NCOR2: variants seen among roughly 807,000 people sequenced by gnomAD.
The protein encoded by NCOR2 is CTG repeat protein 26.
NCOR2 carries 81 observed loss-of-function variants against 262.9 expected under a neutral mutation model. The observed-to-expected ratio is 0.31, with a 90% CI of 0.26 to 0.37. The LOEUF (loss-of-function observed/expected upper bound fraction) is 0.37, where lower values mean the gene tolerates loss of function less well. Ranked by LOEUF, NCOR2 falls within the 10% of genes least tolerant of loss-of-function variation. The pLI is 1.00. For synonymous variants in NCOR2, 1,659 were observed against 1,559.3 expected, an observed-to-expected ratio of 1.06 and a Z score of -1.51; for missense variants, 3,385 against 3,621.4, an observed-to-expected ratio of 0.93 and a Z score of 1.68.
chr12:124,492,886 G>A (rs2048169064), intron 1 of NCOR2, among the ~76,000 whole-genome samples: 1 of 152,188 alleles, frequency 6.6e-6, no homozygotes, highest in African/African-American at 2.4e-5. Context: ...CAAGAGACAA[G>A]CAGGATTCTC....
intron 20 of NCOR2, among the ~76,000 whole-genome samples, chr12:124,367,333 A>G (rs577007361): frequency 6.6e-6 from 1 of 152,306 alleles, no homozygotes; most frequent in African/African-American, 2.4e-5. Context: ...GACTGTGGTC[A>G]TGGAGGTACC....
intron 10 of NCOR2, among the ~76,000 whole-genome samples, chr12:124,427,344 G>A (rs2043610542): frequency 6.6e-6 from 1 of 152,142 alleles, no homozygotes; most frequent in African/African-American, 2.4e-5. Context: ...CCTGGGATCT[G>A]GCCTGCCCAG....
chr12:124,340,939 G>C (rs2036405382), intron 34 of NCOR2, among the ~76,000 whole-genome samples, 188 bp from the exon 37 acceptor site: 1 of 152,150 alleles, frequency 6.6e-6, no homozygotes, highest in African/African-American at 2.4e-5. Flanking sequence ...GGTTCTCTCG[G>C]TACCACCTCC....
intron 1 of NCOR2, among the ~76,000 whole-genome samples, chr12:124,519,759 T>A (rs545382994): frequency 6.6e-6 from 1 of 152,290 alleles, no homozygotes; most frequent in South Asian, 2.1e-4. Flanking sequence ...TCGGACTGTG[T>A]GCCCAGCACT....
At chr12:124,559,064 C>A (rs1354189362) in intron 1 of NCOR2, among the ~76,000 whole-genome samples, 1 of 152,204 alleles carries the variant, frequency 6.6e-6, no homozygotes, top group African/African-American at 2.4e-5. Flanking sequence ...AGGAGCCACC[C>A]GGCCTGCAGG....
intron 40 of NCOR2, 153 bp from the exon 43 acceptor site, chr12:124,334,770 C>T (rs1180875239): frequency 3.5e-6 from 2 of 576,192 alleles, no homozygotes; most frequent in Non-Finnish European, 6.0e-6. Flanking sequence ...TCTGGGCCTC[C>T]GTGTCCCAGT....
intron 34 of NCOR2, 76 bp downstream of exon 36, chr12:124,341,747 C>A: frequency 1.3e-6 from 2 of 1,533,994 alleles, no homozygotes; most frequent in South Asian, 1.2e-5. Context: ...GCTGCCTCCG[C>A]GAGGCCACAG....
intron 15 of NCOR2, 64 bp downstream of exon 17, chr12:124,400,437 A>G (rs2041933210): frequency 3.2e-6 from 5 of 1,572,024 alleles, no homozygotes; most frequent in Non-Finnish European, 4.3e-6. Context: ...CGAAACTTTC[A>G]TATGAGCGCA....
rs1173652106 is a variant in NCOR2 at position 124,483,637 on chromosome 12, G to A, written c.370C>T (p.Leu124=). Residue 124 remains leucine, a synonymous_variant, in exon 3 of 47, where the codon CTG becomes TTG. Coordinates refer to ENST00000405201, the Ensembl canonical transcript of NCOR2. The surrounding 1 kb of genome is among the most constrained non-coding windows in gnomAD (Gnocchi z 6.3). Reference sequence around the variant, plus strand: ...GATCCCGCAGGCTGGCCCGTGGCCAGCAGGGGTGACGGTCGCAGCAGGGGG... The same window carrying A: ...GATCCCGCAGGCTGGCCCGTGGCCAACAGGGGTGACGGTCGCAGCAGGGGG... 3 of 1,610,508 alleles carry A rather than the reference G, an allele frequency of 1.9e-6. No homozygotes were observed. The highest frequency in any genetic ancestry group is 2.5e-6 in the Non-Finnish European group (3 of 1,178,652).
exon 42 of NCOR2, chr12:124,333,250 A>G: frequency 1.2e-6 from 2 of 1,611,376 alleles, no homozygotes; most frequent in Non-Finnish European, 8.5e-7. Flanking sequence ...ACCACCACCC[A>G]AGACCGACGT....
intron 18 of NCOR2, among the ~76,000 whole-genome samples, chr12:124,375,611 AAC>A (rs1301716940): frequency 8.5e-5 from 13 of 152,258 alleles, no homozygotes; most frequent in African/African-American, 2.9e-4. Context: ...AAAAAATAGA[AAC>A]ACACCACCAG....
chr12:124,478,529 C>T (rs1036330768), intron 3 of NCOR2, among the ~76,000 whole-genome samples: 1 of 152,092 alleles, frequency 6.6e-6, no homozygotes, highest in East Asian at 1.9e-4. Context: ...CTGCCTCAGG[C>T]GCCCAGCTGA....
chr12:124,325,414 G>T, exon 47 of NCOR2: 4 of 1,039,002 alleles, frequency 3.8e-6, no homozygotes, highest in Non-Finnish European at 4.9e-6. Flanking sequence ...ACTCGCTGTC[G>T]GAGAGTGTCT....
intron 1 of NCOR2, among the ~76,000 whole-genome samples, chr12:124,490,184 C>G (rs1451233830): frequency 6.6e-6 from 1 of 152,160 alleles, no homozygotes; most frequent in African/African-American, 2.4e-5. Flanking sequence ...CTCCCTTCCT[C>G]CAGGTTCAGC....
chr12:124,440,834 C>T lies in NCOR2; in HGVS notation c.816-2838G>A, dbSNP rs191486277. Among the ~76,000 whole-genome samples, 87 of 152,228 alleles carry T rather than the reference C, an allele frequency of 5.7e-4. No individual in the cohort carries two copies. The East Asian group carries it at 6.9e-3, about 12-fold the overall frequency. On this transcript the variant is annotated intron_variant, in intron 7 of 46. Transcript: ENST00000405201. This position sits in a 1 kb window ranked among gnomAD's most constrained non-coding sequence, Gnocchi z 5.7. ...GAGGATGGCCTTGAGCTGGGATCTA[C>T]GTCATCAGAAGGACCCGGCTCTGGG...
At chr12:124,415,052 C>A (rs1450725142) in intron 13 of NCOR2, among the ~76,000 whole-genome samples, 1 of 152,172 alleles carries the variant, frequency 6.6e-6, no homozygotes, top group African/African-American at 2.4e-5. Flanking sequence ...GGCTCCCCAG[C>A]CCACAGTCAC....
rs912858309 is a variant in NCOR2, at chr12:124,483,157, C to G, written c.411+439G>C. On this transcript the variant is annotated intron_variant, in intron 3 of 46. Transcript: ENST00000405201. This position sits in a 1 kb window ranked among gnomAD's most constrained non-coding sequence, Gnocchi z 6.3. Reference sequence around the variant, plus strand: ...CACTGAGCCCCCTGTTCCAAGCAAGCATGGAACCAAACAACCCACCCTCGA... The same window carrying G: ...CACTGAGCCCCCTGTTCCAAGCAAGGATGGAACCAAACAACCCACCCTCGA... Among the ~76,000 whole-genome samples, 3 of 152,120 alleles carry G rather than the reference C, an allele frequency of 2.0e-5. No homozygotes were observed. Among genetic ancestry groups the G allele is most frequent in the Non-Finnish European group, 4.4e-5 (3 of 67,996 alleles).
chr12:124,334,929 C>T, intron 40 of NCOR2: 1 of 717,242 alleles, frequency 1.4e-6, no homozygotes, highest in Non-Finnish European at 2.3e-6. Flanking sequence ...CAGGCTCCTC[C>T]CATGGATTAG....
At chr12:124,361,748 G>A (rs1456305211) in intron 22 of NCOR2, among the ~76,000 whole-genome samples, 1 of 152,228 alleles carries the variant, frequency 6.6e-6, no homozygotes, top group Non-Finnish European at 1.5e-5. Flanking sequence ...CTGGGCTGTA[G>A]ACATGTTTTT....
Sources: gnomAD v4.1 joint callset for allele counts (sites outside exome capture counted in the v4.1 genomes callset) on GRCh38, gnomAD v4.1.1 for gene constraint, Gnocchi (gnomAD v3.1) non-coding constraint, MANE v1.5 for transcripts, NCBI Gene and HGNC (gene_info 2026-07-23, HGNC 2026-07-21) for gene names.